Variants in NAV3 observed in about 807,000 individuals in gnomAD.
NAV3 encodes the protein neuron navigator 3.
NAV3 carries 87 observed loss-of-function variants against 244.7 expected under a neutral mutation model. The observed-to-expected ratio is 0.36, with a 90% CI of 0.30 to 0.42. The LOEUF is 0.42. Ranked by LOEUF, NAV3 falls within the 20% of genes least tolerant of loss-of-function variation. The pLI is 1.00. For missense variants in NAV3, 2,663 were observed against 2,893.3 expected, an observed-to-expected ratio of 0.92 and a Z score of 1.83; for synonymous variants, 1,126 against 1,042.2, an observed-to-expected ratio of 1.08 and a Z score of -1.55.
chr12:78,149,822 T>G (rs1289896680), intron 22 of NAV3, among the ~76,000 whole-genome samples: 3 of 152,072 alleles, frequency 2.0e-5, no homozygotes, highest in Non-Finnish European at 4.4e-5. Flanking sequence ...AGACCCACAG[T>G]GTAAGACTTG....
chr12:77,719,901 G>A (rs1876533672), intron 2 of NAV3, among the ~76,000 whole-genome samples: 3 of 152,170 alleles, frequency 2.0e-5, no homozygotes, highest in Admixed American at 6.6e-5. Flanking sequence ...GAATTCTTCA[G>A]TGAAGCCATC....
intron 2 of NAV3, among the ~76,000 whole-genome samples, chr12:77,642,892 C>CTAATT (rs1872474562): frequency 1.3e-5 from 2 of 152,036 alleles, no homozygotes; most frequent in Admixed American, 6.6e-5. Flanking sequence ...TTAATAAAAC[C>CTAATT]TTATAAACAT....
chr12:77,871,405 A>G (rs1880932910), intron 1 of NAV3, among the ~76,000 whole-genome samples: 1 of 152,036 alleles, frequency 6.6e-6, no homozygotes, highest in Non-Finnish European at 1.5e-5. Flanking sequence ...CATCATCTAC[A>G]TTAGGTATTT....
At chr12:78,040,563 A>G (rs1880684555) in intron 9 of NAV3, among the ~76,000 whole-genome samples, 1 of 152,212 alleles carries the variant, frequency 6.6e-6, no homozygotes, top group African/African-American at 2.4e-5. Flanking sequence ...GATGGAACAT[A>G]ATTGAGATAT....
intron 1 of NAV3, among the ~76,000 whole-genome samples, chr12:77,863,600 A>C (rs1207156176): frequency 6.6e-6 from 1 of 151,886 alleles, no homozygotes; most frequent in Non-Finnish European, 1.5e-5. Flanking sequence ...GACACATCTA[A>C]CTGCAATTTT....
Position 78,090,692 on chromosome 12 carries a change from A to G in NAV3, c.2637-26080A>G, listed in dbSNP as rs1358132633. Among the ~76,000 whole-genome samples, 7 of 152,130 alleles carry G rather than the reference A, an allele frequency of 4.6e-5. No homozygotes were observed. The East Asian group carries it at 1.2e-3, about 25-fold the overall frequency. On this transcript the variant is annotated intron_variant, in intron 12 of 39. Coordinates refer to ENST00000397909, the MANE Select transcript of NAV3 (RefSeq NM_001024383.2). ...TTTTTAAAAATATTTTAAGTTTTTCAGGAACAAAAACTGTTACGGTTGACA... is the reference window on the plus strand; with the variant it reads ...TTTTTAAAAATATTTTAAGTTTTTCGGGAACAAAAACTGTTACGGTTGACA...
chr12:77,987,742 C>T (rs1203277030), intron 5 of NAV3, among the ~76,000 whole-genome samples: 1 of 152,060 alleles, frequency 6.6e-6, no homozygotes, highest in Non-Finnish European at 1.5e-5. Context: ...AATTACTGCA[C>T]CATCAAGATA....
chr12:77,997,675 C>T (rs1872589321), intron 6 of NAV3, among the ~76,000 whole-genome samples: 1 of 152,166 alleles, frequency 6.6e-6, no homozygotes, highest in African/African-American at 2.4e-5. Context: ...GATCAGTTGG[C>T]CAAACTTGTG....
intron 2 of NAV3, among the ~76,000 whole-genome samples, chr12:77,672,823 A>T (rs1592567267): frequency 1.4e-5 from 2 of 143,658 alleles, no homozygotes; most frequent in Non-Finnish European, 3.0e-5. Flanking sequence ...AAAAGAAATT[A>T]AAAAAAATAA....
chr12:77,988,095 C>T (rs950491768), intron 5 of NAV3, among the ~76,000 whole-genome samples: 1 of 152,114 alleles, frequency 6.6e-6, no homozygotes, highest in Non-Finnish European at 1.5e-5. Flanking sequence ...ATTCTCCTTC[C>T]AAGGAGACAT....
intron 12 of NAV3, among the ~76,000 whole-genome samples, chr12:78,102,689 C>T (rs1954596151): frequency 6.6e-6 from 1 of 152,368 alleles, no homozygotes; most frequent in South Asian, 2.1e-4. Flanking sequence ...CATTTCCATA[C>T]ATCTGAAATC....
At chr12:78,079,933 C>A (rs1333355370) in intron 12 of NAV3, among the ~76,000 whole-genome samples, 1 of 152,058 alleles carries the variant, frequency 6.6e-6, no homozygotes, top group Admixed American at 6.6e-5. Flanking sequence ...TGTTCATAAT[C>A]GAAGATATTG....
At position 78,167,276 on chromosome 12, in the gene NAV3, C is replaced by T. The variant is rs146408329; in HGVS notation, c.4870-1479C>T. 2.5e-3 allele frequency among the ~76,000 whole-genome samples: 374 copies of T among 151,618 alleles called. 1 individual carries two copies. Among genetic ancestry groups the T allele is most frequent in the Middle Eastern group, 0.01 (3 of 294 alleles). On this transcript the variant is annotated intron_variant, in intron 23 of 39. Coordinates refer to ENST00000397909, the MANE Select transcript of NAV3 (RefSeq NM_001024383.2). ...ATTCTTCTTTTATAATAAATATAGT[C>T]GAAATGAATTGCAGTCAAGTATTTG...
chr12:78,149,815 C>A (rs552214599), intron 22 of NAV3, among the ~76,000 whole-genome samples: 1 of 152,056 alleles, frequency 6.6e-6, no homozygotes, highest in South Asian at 2.1e-4. Flanking sequence ...CAGGTGCAGA[C>A]CCACAGTGTA....
In NAV3 at chr12:78,122,147, T is replaced by C. The variant is rs1955698049; in HGVS notation, c.3957T>C (p.Thr1319=). 1.2e-6 allele frequency: 2 copies of C among 1,614,022 alleles called. No individual in the cohort carries two copies. Among genetic ancestry groups the C allele is most frequent in the Admixed American group, 1.7e-5 (1 of 60,000 alleles). The change falls in exon 16 of 40, where the codon ACT becomes ACC. Residue 1319 remains threonine, a synonymous_variant. Coordinates refer to ENST00000397909, the MANE Select transcript of NAV3 (RefSeq NM_001024383.2). ...TCTTCAATAAACCCTCAGACTTAAC[T>C]ACAGATGTTATAAGCTTAAGTCACT... ...SPLFNKPSDL[T]TDVISLSHSL... is the part of the protein sequence containing the mutation.
chr12:77,921,458 G>A (rs565112694), intron 1 of NAV3, among the ~76,000 whole-genome samples: 7 of 151,930 alleles, frequency 4.6e-5, no homozygotes, highest in Admixed American at 6.6e-5. Context: ...TTACATAAAC[G>A]TTGGCAGCCT....
intron 9 of NAV3, among the ~76,000 whole-genome samples, chr12:78,045,225 T>C (rs554629344): frequency 1.3e-5 from 2 of 152,328 alleles, no homozygotes; most frequent in East Asian, 3.9e-4. Flanking sequence ...ATGTGATGGA[T>C]TACATTTATT....
intron 12 of NAV3, among the ~76,000 whole-genome samples, chr12:78,088,112 A>C (rs1355188268): frequency 2.0e-5 from 3 of 151,320 alleles, no homozygotes; most frequent in Non-Finnish European, 4.4e-5. Context: ...AGGGTCATTC[A>C]ATTTTATATA....
chr12:77,659,773 T>A (rs1042423261), intron 2 of NAV3, among the ~76,000 whole-genome samples: 1 of 152,124 alleles, frequency 6.6e-6, no homozygotes, highest in African/African-American at 2.4e-5. Context: ...TGGAATACTA[T>A]GCAGCCATAA....
Sources: allele counts gnomAD v4.1 joint callset (sites outside exome capture counted in the v4.1 genomes callset), GRCh38; gene constraint gnomAD v4.1.1; transcripts MANE v1.5; gene names NCBI Gene and HGNC (gene_info 2026-07-23, HGNC 2026-07-21).